EXT1: variants seen among roughly 807,000 people sequenced by gnomAD.
The protein encoded by EXT1 is exostosin-1.
Under a neutral mutation model 82.5 loss-of-function variants are expected in EXT1, and 20 were observed. That is an observed-to-expected ratio of 0.24 (90% CI 0.17 to 0.35). The LOEUF (loss-of-function observed/expected upper bound fraction) is 0.35, where lower values mean the gene tolerates loss of function less well. Ranked by LOEUF, EXT1 falls within the 10% of genes least tolerant of loss-of-function variation. The pLI, the probability that EXT1 is intolerant of heterozygous loss-of-function variation, is 1.00. For synonymous variants in EXT1, 348 were observed against 350.8 expected (o/e 0.99, Z 0.09); for missense variants, 757 against 936.5 (o/e 0.81, Z 2.50).
At chr8:118,064,184 TTC>T (rs1177675682) in intron 1 of EXT1, among the ~76,000 whole-genome samples, 2 of 152,142 alleles carry the variant, frequency 1.3e-5, no homozygotes, top group Non-Finnish European at 2.9e-5. Flanking sequence ...TTTTTTCTTT[TTC>T]TTTTTTTTAA....
chr8:118,104,315 T>C lies in EXT1; in HGVS notation c.962+5770A>G, dbSNP rs140648292. On this transcript the variant is annotated intron_variant, in intron 1 of 10. Transcript: ENST00000378204. ...AATAAAAACAATTATAGGTTGAATA[T>C]CTGTTATCTGAAATGAATGCTAGTT... Among the ~76,000 whole-genome samples the C allele has an allele frequency of 6.4e-4, 97 of 152,340 alleles. 1 individual carries two copies. Among genetic ancestry groups the C allele is most frequent in the African/African-American group, 2.1e-3 (89 of 41,578 alleles).
In EXT1 at chr8:118,110,171, A is replaced by G. The variant is rs766417139; in HGVS notation, c.876T>C (p.Val292=). ...CATGCTTGCAGGTGGTGAGGAGCACAACGTCCTCCCCGTTATGGACGTGAT... is the reference window on the plus strand; with the variant it reads ...CATGCTTGCAGGTGGTGAGGAGCACGACGTCCTCCCCGTTATGGACGTGAT... ...ALYHVHNGED[V]VLLTTCKHGK... Residue 292 remains valine, a synonymous_variant, in exon 1 of 11, where the codon GTT becomes GTC. Transcript: ENST00000378204. 6.2e-7 allele frequency: 1 copy of G among 1,614,036 alleles called. No homozygotes were observed. The highest frequency in any genetic ancestry group is 2.2e-5 in the East Asian group (1 of 44,884).
intron 1 of EXT1, among the ~76,000 whole-genome samples, chr8:117,881,746 G>A (rs1813062369): frequency 6.6e-6 from 1 of 152,186 alleles, no homozygotes; most frequent in Non-Finnish European, 1.5e-5. Context: ...AGAAAATGTA[G>A]GTTGGCCAAT....
rs144282710 is a variant in EXT1, at chr8:118,111,370, G to A, written c.-324C>T. 4 of 563,202 alleles carry A rather than the reference G, an allele frequency of 7.1e-6. No individual in the cohort carries two copies. Among genetic ancestry groups the A allele is most frequent in the Admixed American group, 6.4e-5 (2 of 31,460 alleles). The allele number at this position is 563,202 out of a possible 1,614,324, so 34.9% of individuals were successfully genotyped here. A position where few individuals can be genotyped will look rare whatever the true frequency, so the allele number is the denominator to read the frequency against. On this transcript the variant is annotated 5_prime_UTR_variant, in exon 1 of 11. Coordinates refer to ENST00000378204, the MANE Select transcript of EXT1 (RefSeq NM_000127.3). ...AACAAGACGGAGGAAAAGAAAGAGAGAGGGGAGAAAAAAAAAGCTCCCGAT... is the reference window on the plus strand; with the variant it reads ...AACAAGACGGAGGAAAAGAAAGAGAAAGGGGAGAAAAAAAAAGCTCCCGAT...
At chr8:118,076,053 C>G (rs375644223) in intron 1 of EXT1, among the ~76,000 whole-genome samples, 42 of 151,946 alleles carry the variant, frequency 2.8e-4, no homozygotes, top group East Asian at 1.3e-3. Context: ...TTTATATATC[C>G]CCACTGAGAT....
At chr8:117,837,583 A>G (rs1245712998) in intron 1 of EXT1, among the ~76,000 whole-genome samples, 1 of 152,202 alleles carries the variant, frequency 6.6e-6, no homozygotes, top group Non-Finnish European at 1.5e-5. Context: ...CTCCTTTAAC[A>G]ATACGGCATT....
chr8:118,092,503 C>T (rs1455311177), intron 1 of EXT1, among the ~76,000 whole-genome samples: 1 of 152,134 alleles, frequency 6.6e-6, no homozygotes, highest in East Asian at 1.9e-4. Flanking sequence ...GAGTTAAGGT[C>T]CCAAATGGGA....
chr8:117,983,381 G>C (rs907594620), intron 1 of EXT1, among the ~76,000 whole-genome samples: 1 of 152,114 alleles, frequency 6.6e-6, no homozygotes, highest in African/African-American at 2.4e-5. Context: ...CTACTCAAGA[G>C]GCTGAGGTGA....
In EXT1 at chr8:118,090,108, T is replaced by C. The variant is rs17477238; in HGVS notation, c.962+19977A>G. ...CCAGGTGCTATTCTGCAGAGAAGTG[T>C]CAACCAAAAACCTGTAAAAAAGAGC... On this transcript the variant is annotated intron_variant, in intron 1 of 10. Coordinates refer to ENST00000378204, the MANE Select transcript of EXT1 (RefSeq NM_000127.3). 3.0e-3 allele frequency among the ~76,000 whole-genome samples: 458 copies of C among 152,188 alleles called. 1 individual carries two copies. Among genetic ancestry groups the C allele is most frequent in the African/African-American group, 0.01 (431 of 41,528 alleles).
chr8:117,946,188 C>T (rs143852595), intron 1 of EXT1, among the ~76,000 whole-genome samples: 3 of 152,262 alleles, frequency 2.0e-5, no homozygotes, highest in African/African-American at 4.8e-5. Flanking sequence ...TGTGAGCTAC[C>T]GCGCCTGGCC....
At chr8:118,035,198 A>AG in intron 1 of EXT1, among the ~76,000 whole-genome samples, 1 of 152,082 alleles carries the variant, frequency 6.6e-6, no homozygotes, top group African/African-American at 2.4e-5. Flanking sequence ...GTGTAACTTA[A>AG]CCCTCAGGCT....
At chr8:118,059,449 G>C (rs1256787241) in intron 1 of EXT1, among the ~76,000 whole-genome samples, 1 of 152,166 alleles carries the variant, frequency 6.6e-6, no homozygotes, top group Non-Finnish European at 1.5e-5. Context: ...TGCCCAATGG[G>C]GTCCAGCTTG....
At position 118,110,078 on chromosome 8, in the gene EXT1, C is replaced by A. The variant is rs778490814; in HGVS notation, c.962+7G>T. On this transcript the variant is annotated splice_region_variant and intron_variant, in intron 1 of 10. Coordinates refer to ENST00000378204, the MANE Select transcript of EXT1 (RefSeq NM_000127.3). Reference sequence around the variant, plus strand: ...ACTCCCAAAGACACGCCAGCCCAGACACTTACTTCTCATACTCGGTGTTGT... The same window carrying A: ...ACTCCCAAAGACACGCCAGCCCAGAAACTTACTTCTCATACTCGGTGTTGT... 3 of 1,607,944 alleles carry A rather than the reference C, an allele frequency of 1.9e-6. No homozygotes were observed. Among genetic ancestry groups the A allele is most frequent in the South Asian group, 2.2e-5 (2 of 91,040 alleles).
At chr8:117,959,495 A>C (rs576954560) in intron 1 of EXT1, among the ~76,000 whole-genome samples, 2 of 152,338 alleles carry the variant, frequency 1.3e-5, no homozygotes, top group African/African-American at 4.8e-5. Context: ...AATGTAACTG[A>C]GGCAGTTCTC....
At chr8:117,932,714 T>G (rs1314576927) in intron 1 of EXT1, among the ~76,000 whole-genome samples, 1 of 152,198 alleles carries the variant, frequency 6.6e-6, no homozygotes, top group Non-Finnish European at 1.5e-5. Flanking sequence ...AGTTAAGAAA[T>G]CCATGGCTTT....
chr8:117,829,699 G>A (rs1234881076), intron 4 of EXT1, among the ~76,000 whole-genome samples: 2 of 145,392 alleles, frequency 1.4e-5, no homozygotes, highest in African/African-American at 5.1e-5. Context: ...TCAGCCTCCC[G>A]AGTAGCTGGG....
At chr8:117,923,256 G>T (rs1441507480) in intron 1 of EXT1, among the ~76,000 whole-genome samples, 1 of 152,138 alleles carries the variant, frequency 6.6e-6, no homozygotes, top group Non-Finnish European at 1.5e-5. Flanking sequence ...GGGAGGTGGA[G>T]GTTGCAGTGA....
intron 1 of EXT1, among the ~76,000 whole-genome samples, chr8:118,026,551 T>C (rs1418911617): frequency 6.6e-6 from 1 of 152,088 alleles, no homozygotes; most frequent in Non-Finnish European, 1.5e-5. Context: ...ATATTCATCA[T>C]CAACATCTGG....
intron 1 of EXT1, among the ~76,000 whole-genome samples, chr8:117,977,720 C>T (rs779733690): frequency 6.6e-6 from 1 of 152,188 alleles, no homozygotes; most frequent in East Asian, 1.9e-4. Context: ...ATTGCCTGGC[C>T]TGGCTATCTA....
Sources: gnomAD v4.1 joint callset for allele counts (sites outside exome capture counted in the v4.1 genomes callset) on GRCh38, gnomAD v4.1.1 for gene constraint, MANE v1.5 for transcripts, NCBI Gene and HGNC (gene_info 2026-07-23, HGNC 2026-07-21) for gene names.